Variants in PIK3C2G observed in about 807,000 individuals in gnomAD.
The protein encoded by PIK3C2G is phosphatidylinositol-4-phosphate 3-kinase catalytic subunit type 2 gamma.
In PIK3C2G, 168 loss-of-function variants were observed where a neutral mutation model predicts 181.1. That is an observed-to-expected ratio of 0.93 (90% confidence interval 0.82 to 1.05). The LOEUF (loss-of-function observed/expected upper bound fraction) is 1.05, where lower values mean the gene tolerates loss of function less well. Ranked by LOEUF, PIK3C2G falls within the 50% of genes least tolerant of loss-of-function variation. The pLI is 0.00. For missense variants in PIK3C2G, 1,869 were observed against 1,732.8 expected, an observed-to-expected ratio of 1.08 and a Z score of -1.40; for synonymous variants, 573 against 592.2, an observed-to-expected ratio of 0.97 and a Z score of 0.47.
At chr12:18,668,768 A>G in the PIK3C2G span, among the ~76,000 whole-genome samples, 4 of 152,272 alleles carry the variant, frequency 2.6e-5, no homozygotes, top group South Asian at 8.3e-4. Flanking sequence ...TTGCTTGGGA[A>G]TGCTGCCTGC....
chr12:18,661,301 T>C, the PIK3C2G span, among the ~76,000 whole-genome samples: 1 of 151,854 alleles, frequency 6.6e-6, no homozygotes, highest in Admixed American at 6.6e-5. Context: ...CCAAGAAGTT[T>C]AACGAACTCC....
chr12:18,499,207 CCAA>C (rs1482940805), intron 22 of PIK3C2G, among the ~76,000 whole-genome samples: 3 of 152,184 alleles, frequency 2.0e-5, no homozygotes, highest in African/African-American at 4.8e-5. Context: ...TCTCTGTCTA[CCAA>C]CAACAACCTT....
intron 18 of PIK3C2G, among the ~76,000 whole-genome samples, chr12:18,432,337 T>C (rs552132117): frequency 2.0e-5 from 3 of 152,260 alleles, no homozygotes; most frequent in African/African-American, 7.2e-5. Flanking sequence ...ATGAACATTA[T>C]GTATATACAT....
At chr12:18,579,269 GA>G (rs1946376412) in intron 29 of PIK3C2G, among the ~76,000 whole-genome samples, 1 of 152,102 alleles carries the variant, frequency 6.6e-6, no homozygotes, top group South Asian at 2.1e-4. Flanking sequence ...ACAGTGAGTG[GA>G]AAAATGGAAG....
intron 29 of PIK3C2G, among the ~76,000 whole-genome samples, chr12:18,569,170 C>A (rs556087420): frequency 8.5e-5 from 13 of 152,216 alleles, no homozygotes; most frequent in Non-Finnish European, 1.3e-4. Context: ...CTAACAATTT[C>A]TTTTGGAATG....
chr12:18,366,400 G>T (rs1941644926), intron 12 of PIK3C2G, among the ~76,000 whole-genome samples: 1 of 152,088 alleles, frequency 6.6e-6, no homozygotes, highest in Non-Finnish European at 1.5e-5. Context: ...AGGCGTGGTG[G>T]CCTGTACCTG....
the PIK3C2G span, among the ~76,000 whole-genome samples, chr12:18,670,875 T>A: frequency 6.6e-6 from 1 of 152,028 alleles, no homozygotes; most frequent in Non-Finnish European, 1.5e-5. Context: ...ATTGGAAAAA[T>A]TATTTAAGAA....
chr12:18,496,031 T>C (rs755256666), intron 20 of PIK3C2G, 31 bp from the exon 21 acceptor site: 39 of 1,187,878 alleles, frequency 3.3e-5, no homozygotes, highest in Admixed American at 5.4e-5. Flanking sequence ...TTTATTTTGC[T>C]CACTAGTTTT....
chr12:18,614,067 T>G (rs1451194833), intron 31 of PIK3C2G, among the ~76,000 whole-genome samples: 1 of 152,110 alleles, frequency 6.6e-6, no homozygotes, highest in African/African-American at 2.4e-5. Flanking sequence ...TAAAGGAAAT[T>G]TGTCTTTGTT....
In PIK3C2G at chr12:18,371,312, G is replaced by C. The variant is rs768013752; in HGVS notation, c.1880+1G>C. ...CTTGTCTTCCACTGTTTCCAAAAGA[G>C]TAAGTGTATCAATTGTGAGTAATAA... On this transcript the variant is annotated splice_donor_variant, in intron 13 of 32. Coordinates refer to ENST00000538779, the MANE Select transcript of PIK3C2G (RefSeq NM_001288772.2). LOFTEE classifies it high-confidence loss of function. 5.0e-6 allele frequency: 8 copies of C among 1,603,756 alleles called. No individual in the cohort carries two copies. The South Asian group carries it at 9.0e-5, about 18-fold the overall frequency.
rs1262695281 is a variant in PIK3C2G, at chr12:18,496,127, G to T, written c.2859G>T (p.Met953Ile). The change falls in exon 21 of 33, where the codon ATG (methionine) becomes ATT (isoleucine). Residue 953 changes from methionine (M) to isoleucine (I), a missense_variant. Met to Ile is a conservative substitution (Grantham distance 10). Transcript: ENST00000538779. ...TTACTTTCATCAATGCTAATCCGAT[G>T]GGCAAAAACATCAGCATTATTTTTA... ...LKITFINANP[M>I]GKNISIIFKA... 6.5e-7 allele frequency: 1 copy of T among 1,536,226 alleles called. No individual in the cohort carries two copies. The highest frequency in any genetic ancestry group is 8.8e-7 in the Non-Finnish European group (1 of 1,136,758).
chr12:18,341,385 T>C (rs957267069), intron 9 of PIK3C2G, among the ~76,000 whole-genome samples: 15 of 152,176 alleles, frequency 9.9e-5, no homozygotes, highest in African/African-American at 3.6e-4. Context: ...CAAAATTTTG[T>C]GTGATATTTC....
At chr12:18,483,024 T>C (rs1939709776) in intron 18 of PIK3C2G, among the ~76,000 whole-genome samples, 1 of 152,160 alleles carries the variant, frequency 6.6e-6, no homozygotes, top group African/African-American at 2.4e-5. Flanking sequence ...ATAACTATTA[T>C]CTCTTTTCTT....
chr12:18,307,695 TA>T (rs1179102703), intron 5 of PIK3C2G, among the ~76,000 whole-genome samples: 3 of 151,884 alleles, frequency 2.0e-5, no homozygotes, highest in Non-Finnish European at 4.4e-5. Flanking sequence ...AACTCTCAAA[TA>T]AAAATTCATT....
At chr12:18,411,050 C>T (rs191559214) in intron 16 of PIK3C2G, among the ~76,000 whole-genome samples, 3 of 152,080 alleles carry the variant, frequency 2.0e-5, no homozygotes, top group Admixed American at 6.6e-5. Context: ...ATGTCTCCTT[C>T]GGTCTGAGAT....
chr12:18,557,661 A>G (rs1374170891), intron 26 of PIK3C2G, among the ~76,000 whole-genome samples: 1 of 152,132 alleles, frequency 6.6e-6, no homozygotes, highest in African/African-American at 2.4e-5. Flanking sequence ...AAAAACAGCC[A>G]CTACCATTAT....
intron 1 of PIK3C2G, among the ~76,000 whole-genome samples, chr12:18,279,196 A>T (rs943965194): frequency 6.6e-6 from 1 of 152,072 alleles, no homozygotes; most frequent in Non-Finnish European, 1.5e-5. Context: ...AAATCTGTGA[A>T]CATAAACTCA....
chr12:18,292,782 C>G (rs1949768543), intron 4 of PIK3C2G, among the ~76,000 whole-genome samples: 1 of 152,118 alleles, frequency 6.6e-6, no homozygotes, highest in Non-Finnish European at 1.5e-5. Flanking sequence ...AAGCTAGAAC[C>G]TTGAGTAATT....
chr12:18,412,472 G>A (rs992899892), intron 16 of PIK3C2G, among the ~76,000 whole-genome samples: 7 of 152,016 alleles, frequency 4.6e-5, no homozygotes, highest in African/African-American at 1.7e-4. Context: ...GATTTAACGT[G>A]GAAGCAGTAA....
Sources: allele counts gnomAD v4.1 joint callset (sites outside exome capture counted in the v4.1 genomes callset), GRCh38; gene constraint gnomAD v4.1.1; transcripts MANE v1.5; gene names NCBI Gene and HGNC (gene_info 2026-07-23, HGNC 2026-07-21).